The following SLC6A11 variants were observed in gnomAD, a reference collection of about 807,000 sequenced individuals.
SLC6A11 encodes the protein sodium- and chloride-dependent GABA transporter 3.
SLC6A11 carries 25 observed loss-of-function variants against 74.8 expected under a neutral mutation model. The observed-to-expected ratio is 0.33, with a 90% confidence interval of 0.24 to 0.47. The LOEUF (loss-of-function observed/expected upper bound fraction) is 0.47, where lower values mean the gene tolerates loss of function less well. Among genes scored for constraint, SLC6A11 ranks in the 20% least tolerant of loss-of-function variants. SLC6A11 has a pLI of 1.00. For missense variants in SLC6A11, 574 were observed against 837.0 expected (o/e 0.69, Z 3.88); for synonymous variants, 330 against 330.2 (o/e 1.00, Z 0.01).
intron 5 of SLC6A11, among the ~76,000 whole-genome samples, chr3:10,868,634 C>T (rs563994317): frequency 1.3e-5 from 2 of 152,358 alleles, no homozygotes; most frequent in South Asian, 2.1e-4. Flanking sequence ...CCTTTCTCCA[C>T]GCCCACCCTT....
In SLC6A11 at chr3:10,918,304, A is replaced by G; in HGVS notation, c.996-25A>G. 1 of 1,567,182 alleles carries G rather than the reference A, an allele frequency of 6.4e-7. No individual in the cohort carries two copies. Among genetic ancestry groups the G allele is most frequent in the Non-Finnish European group, 8.6e-7 (1 of 1,158,642 alleles). ...CACCGGTTCTGCCCGCTCTGACCCT[A>G]GTGCCTCTCGCTGCTTCCCCACAGG... On this transcript the variant is annotated intron_variant, in intron 7 of 13. Coordinates refer to ENST00000254488, the MANE Select transcript of SLC6A11 (RefSeq NM_014229.3). This position sits in a 1 kb window ranked among gnomAD's most constrained non-coding sequence, Gnocchi z 4.5.
chr3:10,825,564 C>A (rs915240297), intron 4 of SLC6A11: 2 of 151,770 alleles, frequency 1.3e-5, no homozygotes, highest in Non-Finnish European at 2.9e-5. Flanking sequence ...AAGTCGAATT[C>A]GTCGATTTTT....
rs1695791901 is a variant in SLC6A11, at chr3:10,938,953, G to GCC, written c.*556_*557dup. ...CAGACTCAGGACTCCTGGGCTGCAGGCCCCCCTCTGCCCTGATCCCATGAA... is the reference window on the plus strand; with the variant it reads ...CAGACTCAGGACTCCTGGGCTGCAGGCCCCCCCCTCTGCCCTGATCCCATGAA... On this transcript the variant is annotated 3_prime_UTR_variant, in exon 14 of 14. Transcript: ENST00000254488. 1.3e-5 allele frequency: 2 copies of GCC among 152,340 alleles called. No homozygotes were observed. Among genetic ancestry groups the GCC allele is most frequent in the East Asian group, 3.9e-4 (2 of 5,170 alleles). 9.4% of individuals were successfully genotyped at this position (152,340 alleles called of 1,614,324 possible).
At chr3:10,859,780 T>A (rs1694681725) in intron 5 of SLC6A11, among the ~76,000 whole-genome samples, 3 of 152,256 alleles carry the variant, frequency 2.0e-5, no homozygotes, top group Admixed American at 6.5e-5. Context: ...ATCATTATTT[T>A]ATGTACCAGA....
intron 5 of SLC6A11, among the ~76,000 whole-genome samples, chr3:10,852,269 A>G (rs1022931254): frequency 6.6e-6 from 1 of 152,240 alleles, no homozygotes; most frequent in Non-Finnish European, 1.5e-5. Flanking sequence ...CTGGGCGGCC[A>G]AACAGGAGAG....
chr3:10,880,692 G>A (rs530410344), intron 6 of SLC6A11, among the ~76,000 whole-genome samples: 1 of 152,276 alleles, frequency 6.6e-6, no homozygotes, highest in East Asian at 1.9e-4. Flanking sequence ...GGTGAGCTCA[G>A]GTGGACTGAG....
At position 10,890,287 on chromosome 3, in the gene SLC6A11, G is replaced by A. The variant is rs923277082; in HGVS notation, c.891+15192G>A. On this transcript the variant is annotated intron_variant, in intron 6 of 13. Coordinates refer to ENST00000254488, the MANE Select transcript of SLC6A11 (RefSeq NM_014229.3). ...GTCACTCCTGGTGCCCTGAAGGCAC[G>A]CTGACAGCCCTTGTGGGTTTCGTTC... 5.3e-5 allele frequency among the ~76,000 whole-genome samples: 8 copies of A among 152,348 alleles called. No homozygotes were observed. The East Asian group carries it at 5.8e-4, about 11-fold the overall frequency.
chr3:10,845,726 A>G (rs1332104930), intron 5 of SLC6A11, among the ~76,000 whole-genome samples: 1 of 152,212 alleles, frequency 6.6e-6, no homozygotes, highest in Non-Finnish European at 1.5e-5. Context: ...ATGCAGAGGG[A>G]CCACAGAAAG....
chr3:10,856,179 G>A (rs1694636577), intron 5 of SLC6A11, among the ~76,000 whole-genome samples: 1 of 152,212 alleles, frequency 6.6e-6, no homozygotes, highest in Admixed American at 6.5e-5. Flanking sequence ...ACTTCTCTTG[G>A]GGAAGAGGAG....
chr3:10,846,659 T>A (rs1049614292), intron 5 of SLC6A11, among the ~76,000 whole-genome samples: 7 of 152,190 alleles, frequency 4.6e-5, no homozygotes, highest in African/African-American at 1.7e-4. Context: ...CAGACAGCTA[T>A]GATCTTGGAG....
intron 3 of SLC6A11, among the ~76,000 whole-genome samples, chr3:10,820,922 C>G (rs1462806418): frequency 6.6e-6 from 1 of 152,154 alleles, no homozygotes; most frequent in African/African-American, 2.4e-5. Flanking sequence ...GGGCTGAGAT[C>G]CAGTAAGATC....
intron 5 of SLC6A11, among the ~76,000 whole-genome samples, chr3:10,868,957 C>A (rs1352230637): frequency 6.6e-6 from 1 of 152,140 alleles, no homozygotes; most frequent in Admixed American, 6.6e-5. Flanking sequence ...TTTTCTGAAT[C>A]CCCTTTTATG....
intron 5 of SLC6A11, among the ~76,000 whole-genome samples, chr3:10,847,720 C>T (rs758303567): frequency 4.6e-5 from 7 of 152,146 alleles, no homozygotes; most frequent in Middle Eastern, 3.2e-3. Flanking sequence ...ACCCGAAGTC[C>T]GTGGATTGAT....
At chr3:10,913,776 C>G (rs993519190) in intron 7 of SLC6A11, among the ~76,000 whole-genome samples, 4 of 152,202 alleles carry the variant, frequency 2.6e-5, no homozygotes, top group Non-Finnish European at 5.9e-5. Context: ...TCACTACAAG[C>G]TCTGCCTCCC....
chr3:10,887,151 G>T (rs1351283275), intron 6 of SLC6A11, among the ~76,000 whole-genome samples: 4 of 150,954 alleles, frequency 2.6e-5, no homozygotes, highest in Non-Finnish European at 5.9e-5. Flanking sequence ...ATGATAGATG[G>T]ATGCATGAAT....
intron 5 of SLC6A11, among the ~76,000 whole-genome samples, chr3:10,849,199 T>C (rs1380282544): frequency 6.6e-6 from 1 of 152,216 alleles, no homozygotes; most frequent in Admixed American, 6.5e-5. Context: ...TATTAAGTCC[T>C]GAGAAAACAC....
At chr3:10,827,999 A>C (rs1293195657) in intron 4 of SLC6A11, among the ~76,000 whole-genome samples, 1 of 152,202 alleles carries the variant, frequency 6.6e-6, no homozygotes, top group Non-Finnish European at 1.5e-5. Flanking sequence ...GTCAGACTTC[A>C]AAATTAGGCC....
chr3:10,912,401 C>T (rs1391346874), intron 7 of SLC6A11, among the ~76,000 whole-genome samples: 1 of 152,208 alleles, frequency 6.6e-6, no homozygotes, highest in East Asian at 1.9e-4. Context: ...CTCTCTCAGG[C>T]TGCAAAGCCA....
At chr3:10,883,148 C>A (rs893400124) in intron 6 of SLC6A11, among the ~76,000 whole-genome samples, 1 of 152,178 alleles carries the variant, frequency 6.6e-6, no homozygotes, top group African/African-American at 2.4e-5. Context: ...CTTGAAGCGA[C>A]ACAGCAGCTT....
Sources: gnomAD v4.1 joint callset for allele counts (sites outside exome capture counted in the v4.1 genomes callset) on GRCh38, gnomAD v4.1.1 for gene constraint, Gnocchi (gnomAD v3.1) non-coding constraint, MANE v1.5 for transcripts, NCBI Gene and HGNC (gene_info 2026-07-23, HGNC 2026-07-21) for gene names.